The following MAP4K3 variants were observed in gnomAD, a reference collection of about 807,000 sequenced individuals.
The protein encoded by MAP4K3 is mitogen-activated protein kinase kinase kinase kinase 3, also known as MAPK/ERK kinase kinase kinase 3.
In MAP4K3, 94 loss-of-function variants were observed where a neutral mutation model predicts 143.5. The ratio of observed to expected loss-of-function variants is 0.65; its 90% CI spans 0.55 to 0.78. MAP4K3 has a LOEUF of 0.78. Among genes scored for constraint, MAP4K3 ranks in the 30% least tolerant of loss-of-function variants. MAP4K3 has a pLI of 0.00. For synonymous variants in MAP4K3, 416 were observed against 347.2 expected (o/e 1.20, Z -2.20); for missense variants, 1,077 against 1,068.1 (o/e 1.01, Z -0.12).
At chr2:39,260,176 C>T (rs201469430) in intron 29 of MAP4K3, among the ~76,000 whole-genome samples, 89 of 152,240 alleles carry the variant, frequency 5.8e-4, no homozygotes, top group South Asian at 1.5e-3. Flanking sequence ...TACAATGGTG[C>T]GAACATGGCT....
intron 23 of MAP4K3, 111 bp downstream of exon 23, chr2:39,280,161 A>G: frequency 1.7e-6 from 1 of 603,246 alleles, no homozygotes; most frequent in Non-Finnish European, 2.8e-6. Flanking sequence ...AATTATAACA[A>G]AACTTTTTTT....
intron 16 of MAP4K3, 146 bp from the exon 17 acceptor site, chr2:39,293,414 C>T (rs1682137118): frequency 3.4e-6 from 2 of 586,280 alleles, no homozygotes; most frequent in Non-Finnish European, 6.0e-6. Flanking sequence ...GTGATCACCT[C>T]TGCAACCATA....
At chr2:39,268,634 A>ATTTTTTTTTTTTTTTTTTTTTTT (rs70954799) in intron 26 of MAP4K3, among the ~76,000 whole-genome samples, 1 of 73,772 alleles carries the variant, frequency 1.4e-5, no homozygotes, top group African/African-American at 5.2e-5. Context: ...GATTTTTTCT[A>ATTTTTTTTTTTTTTTTTTTTTTT]TTTTTTTTTT....
At chr2:39,322,330 AC>A (rs1683335383) in intron 12 of MAP4K3, among the ~76,000 whole-genome samples, 1 of 152,212 alleles carries the variant, frequency 6.6e-6, no homozygotes, top group East Asian at 1.9e-4. Flanking sequence ...GAACAGTTTT[AC>A]CTTCCCGGCT....
chr2:39,423,043 T>C (rs774716652), intron 1 of MAP4K3, among the ~76,000 whole-genome samples: 4 of 152,082 alleles, frequency 2.6e-5, no homozygotes, highest in Non-Finnish European at 5.9e-5. Flanking sequence ...AGAGGACATG[T>C]ATCCAAAATA....
At chr2:39,354,712 C>T (rs1460199649) in intron 3 of MAP4K3, among the ~76,000 whole-genome samples, 2 of 151,776 alleles carry the variant, frequency 1.3e-5, no homozygotes, top group African/African-American at 2.4e-5. Context: ...TCTACCTTAA[C>T]CAAGGTGGGG....
chr2:39,358,524 C>A, intron 2 of MAP4K3, among the ~76,000 whole-genome samples: 1 of 152,078 alleles, frequency 6.6e-6, no homozygotes, highest in East Asian at 1.9e-4. Context: ...TTTAGGTTTT[C>A]AACTGCAGCC....
At chr2:39,378,363 G>A (rs1666275251) in intron 1 of MAP4K3, among the ~76,000 whole-genome samples, 1 of 152,078 alleles carries the variant, frequency 6.6e-6, no homozygotes, top group African/African-American at 2.4e-5. Context: ...GGATGTGCCA[G>A]GCACTATTCT....
At chr2:39,425,055 GA>G (rs1274506849) in intron 1 of MAP4K3, among the ~76,000 whole-genome samples, 4 of 152,040 alleles carry the variant, frequency 2.6e-5, no homozygotes, top group Non-Finnish European at 1.5e-5. Flanking sequence ...GTTACTGGAA[GA>G]AACAAAAGCA....
At chr2:39,324,739 T>C (rs1683431560) in intron 12 of MAP4K3, among the ~76,000 whole-genome samples, 1 of 152,214 alleles carries the variant, frequency 6.6e-6, no homozygotes, top group Admixed American at 6.5e-5. Context: ...AATTCTGCCA[T>C]GTCACATATA....
rs192976047 is a variant in MAP4K3 at position 39,402,527 on chromosome 2, C to T, written c.97-24404G>A. 8.0e-4 allele frequency among the ~76,000 whole-genome samples: 121 copies of T among 151,822 alleles called. 2 individuals are homozygous for T. The highest frequency in any genetic ancestry group is 5.4e-3 in the East Asian group (28 of 5,182). On this transcript the variant is annotated intron_variant, in intron 1 of 33. Transcript: ENST00000263881. The stretch of plus-strand genomic sequence containing the variant: ...TAAAAGAAACACAGCAACAAATGCT[C>T]GTAAAAGGAAAAAAAGAAAGGAAAC...
intron 2 of MAP4K3, among the ~76,000 whole-genome samples, chr2:39,373,811 G>T (rs7561630): frequency 2.6e-5 from 4 of 151,992 alleles, no homozygotes; most frequent in South Asian, 4.1e-4. Context: ...GGCTTGGTGG[G>T]GGGGTAGAAG....
chr2:39,265,098 C>A lies in MAP4K3; in HGVS notation c.2136+105G>T. ...ACAACCCTGCCACATTATCTAAAAT[C>A]ACTAAATTAACTTGAAAATTAACTG... On this transcript the variant is annotated intron_variant, in intron 28 of 33. Transcript: ENST00000263881. 4 of 844,346 alleles carry A rather than the reference C, an allele frequency of 4.7e-6. No homozygotes were observed. The South Asian group carries it at 6.8e-5, about 14-fold the overall frequency. The allele number at this position is 844,346 out of a possible 1,614,324, so 52.3% of individuals were successfully genotyped here. A position where few individuals can be genotyped will look rare whatever the true frequency, so the allele number is the denominator to read the frequency against.
intron 12 of MAP4K3, among the ~76,000 whole-genome samples, chr2:39,322,779 C>T (rs1313203302): frequency 2.0e-5 from 3 of 151,476 alleles, no homozygotes; most frequent in Non-Finnish European, 4.4e-5. Flanking sequence ...AAGCAATTCT[C>T]TTGCCACAGC....
intron 1 of MAP4K3, among the ~76,000 whole-genome samples, chr2:39,415,901 C>T (rs1667355533): frequency 7.9e-6 from 1 of 126,212 alleles, no homozygotes; most frequent in Non-Finnish European, 1.6e-5. Flanking sequence ...TGCAGTGAGT[C>T]GAGATCGCAC....
At chr2:39,430,440 T>A (rs1428051734) in intron 1 of MAP4K3, among the ~76,000 whole-genome samples, 1 of 152,044 alleles carries the variant, frequency 6.6e-6, no homozygotes, top group East Asian at 1.9e-4. Flanking sequence ...AAATGTGGCA[T>A]CTTCCAGAAC....
At chr2:39,423,240 T>G (rs960112022) in intron 1 of MAP4K3, among the ~76,000 whole-genome samples, 1 of 152,178 alleles carries the variant, frequency 6.6e-6, no homozygotes, top group Non-Finnish European at 1.5e-5. Context: ...CCTATTAGAA[T>G]AGCCAAAATT....
chr2:39,284,031 G>A (rs1359197219), intron 21 of MAP4K3, among the ~76,000 whole-genome samples: 7 of 152,056 alleles, frequency 4.6e-5, no homozygotes, highest in East Asian at 1.9e-4. Flanking sequence ...TTGAGGATGC[G>A]CACATCTTAT....
chr2:39,249,500 G>T lies in MAP4K3; in HGVS notation c.*1118C>A, dbSNP rs1332077314. ...CCATTGGAAAAAAGCAATCAAAAATGACTTAAACCAAAACTAAGTTCCTGT... is the reference window on the plus strand; with the variant it reads ...CCATTGGAAAAAAGCAATCAAAAATTACTTAAACCAAAACTAAGTTCCTGT... On this transcript the variant is annotated 3_prime_UTR_variant, in exon 34 of 34. Coordinates refer to ENST00000263881, the MANE Select transcript of MAP4K3 (RefSeq NM_003618.4). 6.6e-6 allele frequency: 1 copy of T among 152,498 alleles called. No homozygotes were observed. The highest frequency in any genetic ancestry group is 1.5e-5 in the Non-Finnish European group (1 of 67,994). The allele number at this position is 152,498 out of a possible 1,614,324, so 9.4% of individuals were successfully genotyped here.
Sources: gnomAD v4.1 joint callset for allele counts (sites outside exome capture counted in the v4.1 genomes callset) on GRCh38, gnomAD v4.1.1 for gene constraint, MANE v1.5 for transcripts, NCBI Gene and HGNC (gene_info 2026-07-23, HGNC 2026-07-21) for gene names.